The following RAB37 variants were observed in gnomAD, a reference collection of about 807,000 sequenced individuals.
RAB37 encodes the protein RAB37, member RAS oncogene family.
A neutral mutation model predicts 33.1 loss-of-function variants in RAB37; 29 were observed. The observed-to-expected ratio is 0.88, with a 90% CI of 0.65 to 1.20. The LOEUF (loss-of-function observed/expected upper bound fraction) is 1.20. RAB37 is among the 50% of genes most tolerant of loss of function. The pLI, the probability that RAB37 is intolerant of heterozygous loss-of-function variation, is 0.00. For synonymous variants in RAB37, 128 were observed against 119.5 expected (o/e 1.07, Z -0.47); for missense variants, 299 against 301.1 (o/e 0.99, Z 0.05).
intron 1 of RAB37, among the ~76,000 whole-genome samples, chr17:74,702,445 A>G (rs1035931451): frequency 3.3e-5 from 5 of 152,220 alleles, no homozygotes; most frequent in Non-Finnish European, 5.9e-5. Flanking sequence ...GGTTGTAGGA[A>G]AGGTCAAAGA....
At chr17:74,695,198 C>T (rs776092294) in intron 1 of RAB37, 1 of 1,614,162 alleles carries the variant, frequency 6.2e-7, no homozygotes, top group Non-Finnish European at 8.5e-7. Context: ...GTTCCTGATC[C>T]TCAGCACCCA....
intron 1 of RAB37, among the ~76,000 whole-genome samples, chr17:74,681,958 G>A (rs1373252158): frequency 1.3e-5 from 2 of 152,226 alleles, no homozygotes; most frequent in Admixed American, 1.3e-4. Context: ...CAGCTCATTA[G>A]CAGAGAAAGA....
intron 1 of RAB37, among the ~76,000 whole-genome samples, chr17:74,686,737 G>C (rs1247048186): frequency 6.6e-6 from 1 of 152,044 alleles, no homozygotes; most frequent in African/African-American, 2.4e-5. Flanking sequence ...CATCTCCACT[G>C]GTTCTTTCCC....
At chr17:74,731,835 C>T (rs2034387479) in intron 2 of RAB37, among the ~76,000 whole-genome samples, 1 of 151,998 alleles carries the variant, frequency 6.6e-6, no homozygotes, top group African/African-American at 2.4e-5. Context: ...TGGCAAAACC[C>T]CTTCTCTACT....
chr17:74,743,512 C>T (rs2034673778), intron 5 of RAB37, among the ~76,000 whole-genome samples, 172 bp downstream of exon 5: 1 of 152,202 alleles, frequency 6.6e-6, no homozygotes, highest in Non-Finnish European at 1.5e-5. Flanking sequence ...TATTTGGTGG[C>T]CATGTGGGCA....
At position 74,737,334 on chromosome 17, in the gene RAB37, C is replaced by G. The variant is rs767975388; in HGVS notation, c.62C>G (p.Pro21Arg). Residue 21 changes from proline to arginine, a missense_variant, in exon 1 of 9, where the codon CCC (proline) becomes CGC (arginine). Coordinates refer to ENST00000392613, the MANE Select transcript of RAB37 (RefSeq NM_001006638.3). ...RDGEAPERSP[P>R]CSPSYDLTGK... ...GGCGAGGCCCCCGAGCGCTCCCCGC[C>G]CTGCAGTCCGAGCTACGACCTCACG... is the stretch of plus-strand genomic sequence containing the variant. 2 of 1,578,172 alleles carry G rather than the reference C, an allele frequency of 1.3e-6. No homozygotes were observed. The highest frequency in any genetic ancestry group is 2.3e-5 in the South Asian group (2 of 87,382).
Position 74,730,496 on chromosome 17 carries a change from C to T in RAB37, c.183+1130C>T, listed in dbSNP as rs994117795. The stretch of plus-strand genomic sequence containing the variant: ...TCGGGTGTGTTCTGGGGCCTAGAAT[C>T]GGCCCTGAAACACCAGTTCCCAGGG... On this transcript the variant is annotated intron_variant, in intron 2 of 7. Transcript: ENST00000340415. This position sits in a 1 kb window ranked among gnomAD's most constrained non-coding sequence, Gnocchi z 4.4. Among the ~76,000 whole-genome samples the T allele has an allele frequency of 6.6e-6, 1 of 152,160 alleles. No individual in the cohort carries two copies. Among genetic ancestry groups the T allele is most frequent in the African/African-American group, 2.4e-5 (1 of 41,436 alleles).
At chr17:74,675,308 A>G (rs144530172) in intron 1 of RAB37, among the ~76,000 whole-genome samples, 10,809 of 151,760 alleles carry the variant, frequency 0.071, 491 homozygotes, top group East Asian at 0.13. Flanking sequence ...GGTGGCATGC[A>G]CCTGCAGTCC....
chr17:74,694,988 AG>A, intron 1 of RAB37: 1 of 1,232,476 alleles, frequency 8.1e-7, no homozygotes, highest in Non-Finnish European at 1.1e-6. Flanking sequence ...GATCAGGCAG[AG>A]GCACCAGTCC....
At chr17:74,725,712 C>G (rs548516026) in intron 1 of RAB37, among the ~76,000 whole-genome samples, 4 of 152,068 alleles carry the variant, frequency 2.6e-5, no homozygotes, top group African/African-American at 7.2e-5. Context: ...CAACCTCCAC[C>G]ACCCGGGTTC....
chr17:74,673,209 G>C (rs1226711941), intron 1 of RAB37, among the ~76,000 whole-genome samples: 1 of 152,042 alleles, frequency 6.6e-6, no homozygotes, highest in Non-Finnish European at 1.5e-5. Context: ...TTCAAGACCA[G>C]CCTGGCCAAC....
chr17:74,741,163 G>A (rs2034605654), intron 2 of RAB37, among the ~76,000 whole-genome samples: 1 of 152,090 alleles, frequency 6.6e-6, no homozygotes, highest in African/African-American at 2.4e-5. Flanking sequence ...CGCAGGCACG[G>A]CATAAGCTGA....
intron 1 of RAB37, among the ~76,000 whole-genome samples, chr17:74,682,120 T>C (rs1228375961): frequency 6.6e-6 from 1 of 152,212 alleles, no homozygotes; most frequent in African/African-American, 2.4e-5. Context: ...CAGCACTGTG[T>C]GTAAAGAGAA....
At chr17:74,720,597 AT>A (rs1489227499) in intron 1 of RAB37, among the ~76,000 whole-genome samples, 7 of 152,202 alleles carry the variant, frequency 4.6e-5, no homozygotes, top group Non-Finnish European at 2.9e-5. Context: ...TCTCAAAAAA[AT>A]AAAAGAAAAG....
chr17:74,740,831 GCCTTCCTGTCCGGAA>G lies in RAB37; in HGVS notation c.163_177del (p.Leu55_Phe59del). Reference sequence around the variant, plus strand: ...TTTCCTGATCCAATTCAAAGACGGGGCCTTCCTGTCCGGAACCTTCATAGCCACCGTCGGCATAGA... The same window carrying G: ...TTTCCTGATCCAATTCAAAGACGGGGCCTTCATAGCCACCGTCGGCATAGA... On this transcript the variant is annotated inframe_deletion, in exon 2 of 9. Coordinates refer to ENST00000392613, the MANE Select transcript of RAB37 (RefSeq NM_001006638.3). 1 of 1,614,118 alleles carries G rather than the reference GCCTTCCTGTCCGGAA, an allele frequency of 6.2e-7. No homozygotes were observed. Among genetic ancestry groups the G allele is most frequent in the African/African-American group, 1.3e-5 (1 of 75,032 alleles).
chr17:74,737,271 A>G lies in RAB37; in HGVS notation c.-2A>G. 6.4e-7 allele frequency: 1 copy of G among 1,562,576 alleles called. No individual in the cohort carries two copies. The highest frequency in any genetic ancestry group is 8.6e-7 in the Non-Finnish European group (1 of 1,160,704). On this transcript the variant is annotated 5_prime_UTR_variant, in exon 1 of 9. Coordinates refer to ENST00000392613, the MANE Select transcript of RAB37 (RefSeq NM_001006638.3). Reference sequence around the variant, plus strand: ...GGCACTGCTCACCTCTCGTCCAGGGACATGACGGGCACGCCAGGCGCCGTT... The same window carrying G: ...GGCACTGCTCACCTCTCGTCCAGGGGCATGACGGGCACGCCAGGCGCCGTT...
Position 74,694,900 on chromosome 17 carries a change from G to A in RAB37, c.72+23242G>A, listed in dbSNP as rs113584170. On this transcript the variant is annotated intron_variant, in intron 1 of 7. Transcript: ENST00000340415. ...TCAACTATGTAGGAGAGGAGGGGAC[G>A]TTTAGAAAACCCCAACTCCTAGAAG... 5.4e-3 allele frequency: 2,818 copies of A among 522,344 alleles called. 29 individuals are homozygous for A. The highest frequency in any genetic ancestry group is 0.025 in the East Asian group (819 of 32,420). The allele number at this position is 522,344 out of a possible 1,614,324, so 32.4% of individuals were successfully genotyped here. A position where few individuals can be genotyped will look rare whatever the true frequency, so the allele number is the denominator to read the frequency against.
intron 1 of RAB37, among the ~76,000 whole-genome samples, chr17:74,723,961 A>G (rs987482164): frequency 6.6e-6 from 1 of 152,236 alleles, no homozygotes; most frequent in Non-Finnish European, 1.5e-5. Context: ...AGCTTCTCCA[A>G]GCAGTGAAAC....
intron 1 of RAB37, chr17:74,713,113 T>C: frequency 2.1e-6 from 1 of 484,598 alleles, no homozygotes; most frequent in Non-Finnish European, 3.8e-6. Flanking sequence ...AAGATCAGCC[T>C]GGCCAACATA....
Sources: gnomAD v4.1 joint callset for allele counts (sites outside exome capture counted in the v4.1 genomes callset) on GRCh38, gnomAD v4.1.1 for gene constraint, Gnocchi (gnomAD v3.1) non-coding constraint, MANE v1.5 for transcripts, NCBI Gene and HGNC (gene_info 2026-07-23, HGNC 2026-07-21) for gene names.